ZBTB5: variants seen among roughly 807,000 people sequenced by gnomAD.
ZBTB5 encodes zinc finger and BTB domain-containing protein 5.
Under a neutral mutation model 37.9 loss-of-function variants are expected in ZBTB5, and 15 were observed. That is an observed-to-expected ratio of 0.40 (90% CI 0.26 to 0.61). ZBTB5 has a LOEUF of 0.61. Among genes scored for constraint, ZBTB5 ranks in the 20% least tolerant of loss-of-function variants. The pLI, the probability that ZBTB5 is intolerant of heterozygous loss-of-function variation, is 0.47. For missense variants in ZBTB5, 708 were observed against 856.8 expected (o/e 0.83, Z 2.17); for synonymous variants, 315 against 312.4 (o/e 1.01, Z -0.09).
chr9:37,459,851 C>T lies in ZBTB5; in HGVS notation c.-5+5364G>A, dbSNP rs555392314. Among the ~76,000 whole-genome samples, 69 of 151,772 alleles carry T rather than the reference C, an allele frequency of 4.5e-4. 2 individuals are homozygous for T. Among genetic ancestry groups the T allele is most frequent in the African/African-American group, 1.4e-3 (60 of 41,404 alleles). Reference sequence around the variant, plus strand: ...TTAGCCTCCCAAGTAGCTGGGACTACGGGCGCCCGCCACCACACCTGGCTA... The same window carrying T: ...TTAGCCTCCCAAGTAGCTGGGACTATGGGCGCCCGCCACCACACCTGGCTA... On this transcript the variant is annotated intron_variant, in intron 1 of 1. Coordinates refer to ENST00000307750, the MANE Select transcript of ZBTB5 (RefSeq NM_014872.3).
chr9:37,445,876 A>T (rs960217993), intron 1 of ZBTB5, among the ~76,000 whole-genome samples: 2 of 151,950 alleles, frequency 1.3e-5, no homozygotes, highest in Non-Finnish European at 2.9e-5. Flanking sequence ...TGAGGCGGGC[A>T]GATTGTTTGA....
At chr9:37,452,319 A>C (rs1027170079) in intron 1 of ZBTB5, among the ~76,000 whole-genome samples, 1 of 152,222 alleles carries the variant, frequency 6.6e-6, no homozygotes, top group African/African-American at 2.4e-5. Flanking sequence ...TCACAGTAAA[A>C]ATGGGGTCAT....
In ZBTB5 at chr9:37,450,165, C is replaced by T. The variant is rs538264853; in HGVS notation, c.-4-7610G>A. Among the ~76,000 whole-genome samples, 7 of 152,292 alleles carry T rather than the reference C, an allele frequency of 4.6e-5. No individual in the cohort carries two copies. In the East Asian group the frequency reaches 1.2e-3, roughly 25 times the overall value. ...TCCTTTCAGAAGCTCCTCTGTCTCA[C>T]TAGAGAGAGAGCTGTTTTCCTTTCT... On this transcript the variant is annotated intron_variant, in intron 1 of 1. Transcript: ENST00000307750.
Position 37,465,277 on chromosome 9 carries a change from C to G in ZBTB5, c.-67G>C, listed in dbSNP as rs1448889941. On this transcript the variant is annotated 5_prime_UTR_variant, in exon 1 of 2. Transcript: ENST00000307750. ...AGGCGGTGACCCCTCTCCGATCGGA[C>G]TCGGCAGTGTCAGAGGAGGTGGGAA... 6.6e-6 allele frequency: 1 copy of G among 152,148 alleles called. No individual in the cohort carries two copies. Among genetic ancestry groups the G allele is most frequent in the African/African-American group, 2.4e-5 (1 of 41,430 alleles). 9.4% of individuals were successfully genotyped at this position (152,148 alleles called of 1,614,324 possible). A position where few individuals can be genotyped will look rare whatever the true frequency, so the allele number is the denominator to read the frequency against.
chr9:37,442,375 A>T lies in ZBTB5; in HGVS notation c.177T>A (p.Asp59Glu). The T allele has an allele frequency of 6.2e-7, 1 of 1,614,084 alleles. No homozygotes were observed. Among genetic ancestry groups the T allele is most frequent in the East Asian group, 2.2e-5 (1 of 44,870 alleles). Reference protein sequence around the residue: ...FRALFSVAEGDQTMNMIQLDS... With the variant: ...FRALFSVAEGEQTMNMIQLDS... Reference sequence around the variant, plus strand: ...CCAGCTGGATCATGTTCATGGTCTGATCTCCTTCTGCCACTGAGAACAGGG... The same window carrying T: ...CCAGCTGGATCATGTTCATGGTCTGTTCTCCTTCTGCCACTGAGAACAGGG... Residue 59 changes from aspartate to glutamate, a missense_variant, in exon 2 of 2, where the codon GAT (aspartate) becomes GAA (glutamate). Asp to Glu is a conservative substitution (Grantham distance 45). Transcript: ENST00000307750.
In ZBTB5 at chr9:37,440,753, G is replaced by A. The variant is rs1205047960; in HGVS notation, c.1799C>T (p.Ser600Leu). Residue 600 changes from serine (S) to leucine (L), a missense_variant, in exon 2 of 2, where the codon TCA (serine) becomes TTA (leucine). This residue lies in a region of ZBTB5 where 42 missense variants were observed against 107.9 expected (regional missense o/e 0.39). Transcript: ENST00000307750. ...CTCTACAACCAAAACATTGTGCTCT[G>A]ATAAGGCCTTCTTGCACTTTGACAG... ...DVLSKCKKAL[S>L]EHNVLVVEGA... 2 of 1,614,272 alleles carry A rather than the reference G, an allele frequency of 1.2e-6. No individual in the cohort carries two copies. The highest frequency in any genetic ancestry group is 1.1e-5 in the South Asian group (1 of 91,090).
Position 37,439,074 on chromosome 9 carries a change from G to GCTATATAAAACATA in ZBTB5, c.*1430_*1443dup, listed in dbSNP as rs1221465476. On this transcript the variant is annotated 3_prime_UTR_variant, in exon 2 of 2. Transcript: ENST00000307750. ...ATGATGGTTTGGTATGTCTAAGAAAGCTATATAAAACATAAAATGAACTCA... is the reference window on the plus strand; with the variant it reads ...ATGATGGTTTGGTATGTCTAAGAAAGCTATATAAAACATACTATATAAAACATAAAATGAACTCA... 56 of 152,350 alleles carry GCTATATAAAACATA rather than the reference G, an allele frequency of 3.7e-4. No individual in the cohort carries two copies. The highest frequency in any genetic ancestry group is 2.1e-3 in the Admixed American group (32 of 15,304). The allele number at this position is 152,350 out of a possible 1,614,324, so 9.4% of individuals were successfully genotyped here. A position where few individuals can be genotyped will look rare whatever the true frequency, so the allele number is the denominator to read the frequency against.
chr9:37,457,710 G>C (rs1824217214), intron 1 of ZBTB5, among the ~76,000 whole-genome samples: 1 of 152,252 alleles, frequency 6.6e-6, no homozygotes, highest in Admixed American at 6.5e-5. Context: ...CAATGGTTTG[G>C]AGAAGGCAAA....
rs1200326318 is a variant in ZBTB5, at chr9:37,441,109, A to G, written c.1443T>C (p.Pro481=). 1 of 1,614,066 alleles carries G rather than the reference A, an allele frequency of 6.2e-7. No homozygotes were observed. The highest frequency in any genetic ancestry group is 1.3e-5 in the African/African-American group (1 of 75,004). ...SEPADSHFVR[P]MQEVMGLPCV... is the part of the protein sequence containing the mutation. Reference sequence around the variant, plus strand: ...ACGGCAGGCCCATCACCTCCTGCATAGGCCTGACGAAGTGGGAGTCTGCAG... The same window carrying G: ...ACGGCAGGCCCATCACCTCCTGCATGGGCCTGACGAAGTGGGAGTCTGCAG... The change falls in exon 2 of 2, where the codon CCT becomes CCC. Residue 481 remains proline (P), a synonymous_variant. Transcript: ENST00000307750.
At chr9:37,461,694 T>C (rs893235735) in intron 1 of ZBTB5, among the ~76,000 whole-genome samples, 16 of 151,990 alleles carry the variant, frequency 1.1e-4, no homozygotes, top group African/African-American at 3.4e-4. Flanking sequence ...GATTATGCCA[T>C]TGCACTCAAG....
chr9:37,449,043 AAAAT>A (rs1322434416), intron 1 of ZBTB5, among the ~76,000 whole-genome samples: 2 of 152,058 alleles, frequency 1.3e-5, no homozygotes, highest in East Asian at 1.9e-4. Context: ...ACTCCGTTTC[AAAAT>A]AAATAAATAA....
Position 37,440,493 on chromosome 9 carries a change from A to T in ZBTB5, c.*25T>A, listed in dbSNP as rs764151047. 3 of 1,601,766 alleles carry T rather than the reference A, an allele frequency of 1.9e-6. No individual in the cohort carries two copies. The Admixed American group carries it at 5.0e-5, about 27-fold the overall frequency. On this transcript the variant is annotated 3_prime_UTR_variant, in exon 2 of 2. Coordinates refer to ENST00000307750, the MANE Select transcript of ZBTB5 (RefSeq NM_014872.3). Reference sequence around the variant, plus strand: ...GAAATTCAGTCTGACAACTGGCCTCAGCGTTGTCTTGTAAGGACAAACAGC... The same window carrying T: ...GAAATTCAGTCTGACAACTGGCCTCTGCGTTGTCTTGTAAGGACAAACAGC...
intron 1 of ZBTB5, among the ~76,000 whole-genome samples, chr9:37,449,676 G>A (rs1301591422): frequency 7.0e-6 from 1 of 143,546 alleles, no homozygotes; most frequent in African/African-American, 2.6e-5. Context: ...TCTAGTCTGC[G>A]CGATAGTATG....
chr9:37,442,756 C>A (rs1157389894), intron 1 of ZBTB5, among the ~76,000 whole-genome samples: 2 of 152,188 alleles, frequency 1.3e-5, no homozygotes, highest in Non-Finnish European at 2.9e-5. Context: ...AGGAGGCATG[C>A]ACACATGTGG....
intron 1 of ZBTB5, among the ~76,000 whole-genome samples, chr9:37,452,153 A>C (rs1389168822): frequency 6.6e-6 from 1 of 152,212 alleles, no homozygotes; most frequent in African/African-American, 2.4e-5. Flanking sequence ...AATGAACAAG[A>C]ACAGTTTAGA....
chr9:37,459,333 G>C (rs1352909695), intron 1 of ZBTB5, among the ~76,000 whole-genome samples: 1 of 151,974 alleles, frequency 6.6e-6, no homozygotes, highest in Non-Finnish European at 1.5e-5. Context: ...GGTGACACAT[G>C]CCTGTAATCC....
rs777104073 is a variant in ZBTB5, at chr9:37,441,377, A to G, written c.1175T>C (p.Ile392Thr). 3.1e-6 allele frequency: 5 copies of G among 1,613,942 alleles called. No homozygotes were observed. In the African/African-American group the frequency reaches 5.3e-5, roughly 17 times the overall value. Residue 392 changes from isoleucine (I) to threonine (T), a missense_variant, in exon 2 of 2, where the codon ATC becomes ACC. Physicochemically the swap from Ile to Thr is moderately conservative, Grantham distance 89. Coordinates refer to ENST00000307750, the MANE Select transcript of ZBTB5 (RefSeq NM_014872.3). Reference sequence around the variant, plus strand: ...GTTATTTGTGACTTCCAAAATATGGATATCACCTACCCTGTCTGTGCTAGA... The same window carrying G: ...GTTATTTGTGACTTCCAAAATATGGGTATCACCTACCCTGTCTGTGCTAGA... ...PQSSTDRVGD[I>T]HILEVTNNLE...
Position 37,441,688 on chromosome 9 carries a change from C to T in ZBTB5, c.864G>A (p.Met288Ile), listed in dbSNP as rs766097232. 3.7e-6 allele frequency: 6 copies of T among 1,613,942 alleles called. No homozygotes were observed. Among genetic ancestry groups the T allele is most frequent in the Non-Finnish European group, 4.2e-6 (5 of 1,180,012 alleles). The change falls in exon 2 of 2, where the codon ATG becomes ATA. Residue 288 changes from methionine to isoleucine, a missense_variant. Met to Ile is a conservative substitution (Grantham distance 10, BLOSUM62 1). Transcript: ENST00000307750. ...NSAGNMAQLSMASRATQVETS... is the reference protein window; with the variant it reads ...NSAGNMAQLSIASRATQVETS... Reference sequence around the variant, plus strand: ...TCTCAACCTGAGTTGCACGAGAGGCCATGGACAACTGTGCCATGTTGCCAG... The same window carrying T: ...TCTCAACCTGAGTTGCACGAGAGGCTATGGACAACTGTGCCATGTTGCCAG...
intron 1 of ZBTB5, among the ~76,000 whole-genome samples, chr9:37,465,007 G>A (rs907795609): frequency 4.0e-5 from 6 of 151,568 alleles, no homozygotes; most frequent in Non-Finnish European, 8.8e-5. Flanking sequence ...GCCTGGCGTC[G>A]GGACACCGGG....
Sources: allele counts gnomAD v4.1 joint callset (sites outside exome capture counted in the v4.1 genomes callset), GRCh38; gene constraint gnomAD v4.1.1; regional missense constraint gnomAD v4.1.1; transcripts MANE v1.5; gene names NCBI Gene and HGNC (gene_info 2026-07-23, HGNC 2026-07-21).